STK32B: variants seen among roughly 807,000 people sequenced by gnomAD.
STK32B encodes serine/threonine kinase 32B, also known as serine/threonine-protein kinase 32B.
In STK32B, 43 loss-of-function variants were observed where a neutral mutation model predicts 52.6. The observed-to-expected ratio is 0.82, with a 90% confidence interval of 0.64 to 1.05. STK32B has a LOEUF of 1.05. STK32B is among the 50% of genes least tolerant of loss of function. The pLI is 0.00. For missense variants in STK32B, 621 were observed against 534.6 expected, an observed-to-expected ratio of 1.16 and a Z score of -1.59; for synonymous variants, 238 against 204.3, an observed-to-expected ratio of 1.17 and a Z score of -1.41.
chr4:5,354,633 A>G (rs986568007), intron 4 of STK32B, among the ~76,000 whole-genome samples: 1 of 152,228 alleles, frequency 6.6e-6, no homozygotes, highest in Non-Finnish European at 1.5e-5. Context: ...ATTATATTGT[A>G]TATTTCAAAG....
intron 6 of STK32B, among the ~76,000 whole-genome samples, chr4:5,442,652 G>A (rs1714903348): frequency 6.6e-6 from 1 of 151,990 alleles, no homozygotes; most frequent in Non-Finnish European, 1.5e-5. Context: ...TCATGATGAT[G>A]TTAGCTGGTT....
chr4:5,241,428 A>C (rs1214652660), intron 3 of STK32B, among the ~76,000 whole-genome samples: 1 of 152,208 alleles, frequency 6.6e-6, no homozygotes, highest in Non-Finnish European at 1.5e-5. Flanking sequence ...GGATCTGACC[A>C]GCACCTGGAG....
chr4:5,311,914 A>ATATATATATAT (rs143725868), intron 3 of STK32B, among the ~76,000 whole-genome samples: 110 of 145,476 alleles, frequency 7.6e-4, no homozygotes, highest in African/African-American at 2.5e-3. Flanking sequence ...ATATATATAT[A>ATATATATATAT]TTTTTTTTTA....
chr4:5,057,474 A>C (rs1742049945), intron 1 of STK32B, among the ~76,000 whole-genome samples: 1 of 151,904 alleles, frequency 6.6e-6, no homozygotes. Flanking sequence ...GGATGTCACC[A>C]CTCTTCCCAG....
rs963401334 is a variant in STK32B, at chr4:5,293,681, G to A, written c.261-37539G>A. On this transcript the variant is annotated intron_variant, in intron 3 of 11. Transcript: ENST00000282908. ...TTGTTTAAGTTCCTTGTAGATTTTG[G>A]GTATTAGCCCTTTGTCAGATGGATA... 2.7e-5 allele frequency among the ~76,000 whole-genome samples: 4 copies of A among 147,790 alleles called. No individual in the cohort carries two copies. In the South Asian group the frequency reaches 8.4e-4, roughly 31 times the overall value.
At chr4:5,037,067 C>T in the STK32B span, among the ~76,000 whole-genome samples, 2 of 152,112 alleles carry the variant, frequency 1.3e-5, no homozygotes, top group Non-Finnish European at 2.9e-5. Flanking sequence ...GGTGTCTGAG[C>T]TATTGACCCT....
At chr4:5,055,696 A>G (rs1234628477) in intron 1 of STK32B, among the ~76,000 whole-genome samples, 2 of 151,966 alleles carry the variant, frequency 1.3e-5, no homozygotes, top group South Asian at 2.1e-4. Context: ...CTCGTCTGAC[A>G]TGCCCTGCAC....
chr4:5,126,656 G>A (rs1320102708), intron 1 of STK32B, among the ~76,000 whole-genome samples: 1 of 152,218 alleles, frequency 6.6e-6, no homozygotes, highest in African/African-American at 2.4e-5. Flanking sequence ...AGCTGACAGC[G>A]CCAGGTGAGA....
chr4:5,456,541 T>C (rs545749181), intron 7 of STK32B, among the ~76,000 whole-genome samples: 11 of 152,306 alleles, frequency 7.2e-5, no homozygotes, highest in African/African-American at 2.6e-4. Context: ...CCTCTGGCAT[T>C]TGTGGGCTGT....
At chr4:5,420,257 A>G (rs1180323685) in intron 6 of STK32B, among the ~76,000 whole-genome samples, 1 of 152,220 alleles carries the variant, frequency 6.6e-6, no homozygotes, top group Non-Finnish European at 1.5e-5. Context: ...AGATATCCAT[A>G]TAAGTGAATT....
At chr4:5,441,322 G>A (rs1434004132) in intron 6 of STK32B, among the ~76,000 whole-genome samples, 1 of 151,504 alleles carries the variant, frequency 6.6e-6, no homozygotes, top group Non-Finnish European at 1.5e-5. Context: ...CTTCTTCCTG[G>A]TTTAGTCTTG....
chr4:5,237,522 T>C (rs1397196034), intron 3 of STK32B, among the ~76,000 whole-genome samples: 1 of 152,104 alleles, frequency 6.6e-6, no homozygotes, highest in East Asian at 1.9e-4. Flanking sequence ...TGTTGGGAAA[T>C]AAAGAACTGG....
intron 4 of STK32B, among the ~76,000 whole-genome samples, chr4:5,340,056 C>G (rs1046382963): frequency 6.6e-5 from 10 of 152,298 alleles, no homozygotes; most frequent in Middle Eastern, 3.4e-3. Context: ...CACTGTCAGT[C>G]CAAAACAAAT....
At chr4:5,397,322 T>C (rs928926246) in intron 4 of STK32B, among the ~76,000 whole-genome samples, 1 of 152,228 alleles carries the variant, frequency 6.6e-6, no homozygotes, top group African/African-American at 2.4e-5. Context: ...CTTCTCTCAC[T>C]TTCATTCCTC....
At chr4:5,328,374 C>T (rs1438279897) in intron 3 of STK32B, among the ~76,000 whole-genome samples, 2 of 152,200 alleles carry the variant, frequency 1.3e-5, no homozygotes, top group Non-Finnish European at 2.9e-5. Context: ...ATTTCTAGTA[C>T]TTGATGTAAA....
chr4:5,326,294 C>T (rs1731870202), intron 3 of STK32B, among the ~76,000 whole-genome samples: 1 of 152,122 alleles, frequency 6.6e-6, no homozygotes, highest in Non-Finnish European at 1.5e-5. Flanking sequence ...TCTTTTGGGG[C>T]ATCTATATTC....
At chr4:5,053,754 G>A (rs946695145) in intron 1 of STK32B, among the ~76,000 whole-genome samples, 2 of 152,028 alleles carry the variant, frequency 1.3e-5, no homozygotes, top group Non-Finnish European at 2.9e-5. Context: ...AGGCCGAGGT[G>A]GACGGATCAC....
chr4:5,333,400 G>T (rs1427137766), intron 4 of STK32B, among the ~76,000 whole-genome samples: 1 of 152,106 alleles, frequency 6.6e-6, no homozygotes, highest in African/African-American at 2.4e-5. Context: ...TGAGTAGGTT[G>T]GGAAAATGTT....
intron 3 of STK32B, among the ~76,000 whole-genome samples, chr4:5,192,780 C>T (rs1281058923): frequency 1.3e-5 from 2 of 152,072 alleles, no homozygotes; most frequent in African/African-American, 2.4e-5. Flanking sequence ...ACAAGTCGTT[C>T]TTACCAGCTG....
Sources: allele counts gnomAD v4.1 joint callset (sites outside exome capture counted in the v4.1 genomes callset), GRCh38; gene constraint gnomAD v4.1.1; transcripts MANE v1.5; gene names NCBI Gene and HGNC (gene_info 2026-07-23, HGNC 2026-07-21).